The following ODF2 variants were observed in gnomAD, a reference collection of about 807,000 sequenced individuals.
The protein encoded by ODF2 is outer dense fiber of sperm tails 2, also known as outer dense fiber protein 2.
A neutral mutation model predicts 110.2 loss-of-function variants in ODF2; 47 were observed. The ratio of observed to expected loss-of-function variants is 0.43; its 90% CI spans 0.34 to 0.54. ODF2 has a LOEUF of 0.54. ODF2 is among the 20% of genes least tolerant of loss of function. The probability of loss-of-function intolerance (pLI) is 0.03; values close to 1 mark genes in which losing one functional copy is unlikely to be tolerated. For missense variants in ODF2, 812 were observed against 1,054.5 expected (o/e 0.77, Z 3.19); for synonymous variants, 352 against 397.7 (o/e 0.89, Z 1.37).
At chr9:128,499,539 C>T (rs908273262) in intron 20 of ODF2, among the ~76,000 whole-genome samples, 1 of 152,136 alleles carries the variant, frequency 6.6e-6, no homozygotes, top group Non-Finnish European at 1.5e-5. Flanking sequence ...AAATGATCTG[C>T]CCATCATGGC....
At chr9:128,487,417 T>C (rs963670754) in intron 13 of ODF2, among the ~76,000 whole-genome samples, 1 of 151,978 alleles carries the variant, frequency 6.6e-6, no homozygotes, top group Admixed American at 6.6e-5. Context: ...AGTGTGGAGA[T>C]TGGGGAGCAG....
At chr9:128,458,631 G>A (rs1835597755) in intron 2 of ODF2, among the ~76,000 whole-genome samples, 1 of 149,268 alleles carries the variant, frequency 6.7e-6, no homozygotes, top group African/African-American at 2.5e-5. Flanking sequence ...TGGTGATGGA[G>A]CTGTACAGTA....
At chr9:128,495,763 C>T (rs1588996276) in intron 17 of ODF2, among the ~76,000 whole-genome samples, 1 of 152,288 alleles carries the variant, frequency 6.6e-6, no homozygotes, top group Non-Finnish European at 1.5e-5. Context: ...TGGATCCTAG[C>T]TGGGTCTCTC....
intron 14 of ODF2, among the ~76,000 whole-genome samples, chr9:128,491,870 T>TC (rs1422820910): frequency 6.7e-6 from 1 of 148,252 alleles, no homozygotes; most frequent in Non-Finnish European, 1.5e-5. Context: ...CATTTTCTTT[T>TC]TTTTTTTTTT....
chr9:128,497,444 AAAATATATATATATATAT>A (rs1416784395), intron 18 of ODF2: 2 of 72,256 alleles, frequency 2.8e-5, no homozygotes, highest in Admixed American at 1.5e-4. Flanking sequence ...AAAAAAAAAA[AAAATATATATATATATAT>A]ATATATATAT....
exon 5 of ODF2, chr9:128,469,286 G>A: frequency 6.2e-7 from 1 of 1,614,170 alleles, no homozygotes; most frequent in East Asian, 2.2e-5. Context: ...TCAGGTCACT[G>A]TAAAATGAAC....
chr9:128,462,310 C>T (rs1035589475), intron 4 of ODF2, among the ~76,000 whole-genome samples: 5 of 151,924 alleles, frequency 3.3e-5, no homozygotes, highest in African/African-American at 7.3e-5. Flanking sequence ...ACCACCATCC[C>T]GGCTAGTTTT....
chr9:128,456,614 TCCC>T, intron 1 of ODF2: 1 of 1,514,614 alleles, frequency 6.6e-7, no homozygotes, highest in East Asian at 2.6e-5. Context: ...ACAGAGGCTC[TCCC>T]TCGCTCTGCT....
At chr9:128,456,910 C>T (rs1835007666) in intron 1 of ODF2, 6 of 1,264,566 alleles carry the variant, frequency 4.7e-6, no homozygotes, top group African/African-American at 1.5e-5. Context: ...ATCTGTTCTT[C>T]CGTAACGCCC....
Position 128,485,799 on chromosome 9 carries a change from G to A in ODF2, c.1400+325G>A, listed in dbSNP as rs551740872. ...CTACACAGCATTTGAAATGGGCACC[G>A]TGGTGTCCTCATTCCTATTGGGGAA... On this transcript the variant is annotated intron_variant, in intron 13 of 20. Coordinates refer to ENST00000604420, the Ensembl canonical transcript of ODF2. The surrounding 1 kb of genome is among the most constrained non-coding windows in gnomAD (Gnocchi z 5.0). Among the ~76,000 whole-genome samples, 7 of 152,286 alleles carry A rather than the reference G, an allele frequency of 4.6e-5. No individual in the cohort carries two copies. The highest frequency in any genetic ancestry group is 4.1e-4 in the South Asian group (2 of 4,830).
chr9:128,460,887 TG>T, intron 3 of ODF2, 54 bp from the exon 4 acceptor site: 1 of 1,612,202 alleles, frequency 6.2e-7, no homozygotes, highest in South Asian at 1.1e-5. Flanking sequence ...GTCACTAGCG[TG>T]GCACCGTGGC....
At position 128,498,380 on chromosome 9, in the gene ODF2, A is replaced by C. The variant is rs762941637; in HGVS notation, c.2013-33A>C. On this transcript the variant is annotated intron_variant, in intron 18 of 20. Coordinates refer to ENST00000604420, the Ensembl canonical transcript of ODF2. ...GGGGTGGAACATGACAGGTTGGGGT[A>C]TGCCCAGGATCTGATTGAGTGCTTT... 32 of 1,509,796 alleles carry C rather than the reference A, an allele frequency of 2.1e-5. No individual in the cohort carries two copies. In the South Asian group the frequency reaches 3.4e-4, roughly 16 times the overall value. 93.5% of individuals were successfully genotyped at this position (1,509,796 alleles called of 1,614,324 possible).
At chr9:128,483,803 T>A in intron 10 of ODF2, 135 bp from the exon 11 acceptor site, 1 of 710,086 alleles carries the variant, frequency 1.4e-6, no homozygotes, top group Non-Finnish European at 2.6e-6. Context: ...GGAGAATCGC[T>A]GGAGCCCAAG....
At chr9:128,492,609 C>A in intron 15 of ODF2, 73 bp downstream of exon 15, 1 of 1,520,188 alleles carries the variant, frequency 6.6e-7, no homozygotes. Context: ...GGCTCCCTAC[C>A]AGGCCACTCC....
intron 12 of ODF2, 68 bp downstream of exon 12, chr9:128,484,954 T>A: frequency 2.7e-6 from 4 of 1,468,724 alleles, no homozygotes; most frequent in South Asian, 1.2e-5. Flanking sequence ...AGAGGGGTGG[T>A]CAGCCAGATG....
intron 4 of ODF2, among the ~76,000 whole-genome samples, chr9:128,464,400 C>T (rs1262392180): frequency 3.9e-5 from 6 of 152,054 alleles, no homozygotes; most frequent in Non-Finnish European, 8.8e-5. Context: ...GTGATCCGCC[C>T]GCCTTGGCCT....
intron 8 of ODF2, among the ~76,000 whole-genome samples, chr9:128,478,903 A>C (rs1198799607): frequency 6.6e-6 from 1 of 151,942 alleles, no homozygotes; most frequent in African/African-American, 2.4e-5. Context: ...GTGTGGCCTC[A>C]CTTGCCTTCA....
chr9:128,467,126 A>G (rs1838406909), intron 4 of ODF2, among the ~76,000 whole-genome samples: 1 of 143,594 alleles, frequency 7.0e-6, no homozygotes. Flanking sequence ...ATCATTGTGC[A>G]AACATCATGG....
intron 8 of ODF2, among the ~76,000 whole-genome samples, chr9:128,478,099 C>A (rs1299103407): frequency 2.0e-5 from 3 of 151,730 alleles, no homozygotes; most frequent in South Asian, 4.2e-4. Context: ...TGGGTTCAAG[C>A]GATTCTCCTG....
Sources: allele counts gnomAD v4.1 joint callset (sites outside exome capture counted in the v4.1 genomes callset), GRCh38; gene constraint gnomAD v4.1.1; non-coding constraint Gnocchi (gnomAD v3.1); transcripts MANE v1.5; gene names NCBI Gene and HGNC (gene_info 2026-07-23, HGNC 2026-07-21).